FRMPD2: variants seen among roughly 807,000 people sequenced by gnomAD.
FRMPD2 encodes FERM and PDZ domain containing 2, also known as FERM and PDZ domain-containing protein 2.
A neutral mutation model predicts 140.1 loss-of-function variants in FRMPD2; 96 were observed. The ratio of observed to expected loss-of-function variants is 0.69; its 90% CI spans 0.58 to 0.81. The LOEUF is 0.81. Ranked by LOEUF, FRMPD2 falls within the 40% of genes least tolerant of loss-of-function variation. The probability of loss-of-function intolerance (pLI) is 0.00; values close to 1 mark genes in which losing one functional copy is unlikely to be tolerated. For synonymous variants in FRMPD2, 449 were observed against 547.6 expected (o/e 0.82, Z 2.52); for missense variants, 1,240 against 1,447.4 (o/e 0.86, Z 2.32).
At chr10:48,265,823 C>G (rs1289156223) in intron 1 of FRMPD2, among the ~76,000 whole-genome samples, 1 of 151,984 alleles carries the variant, frequency 6.6e-6, no homozygotes, top group Admixed American at 6.5e-5. Flanking sequence ...CTCAAAGAGC[C>G]AAAACCAAAA....
At chr10:48,235,383 ACGTGCACTGACC>A (rs756593069) in intron 9 of FRMPD2, among the ~76,000 whole-genome samples, 1 of 152,240 alleles carries the variant, frequency 6.6e-6, no homozygotes, top group Non-Finnish European at 1.5e-5. Context: ...CAGGCATCCC[ACGTGCACTGACC>A]AGTTTGCTTC....
At position 48,251,592 on chromosome 10, in the gene FRMPD2, T is replaced by C; in HGVS notation, c.125A>G (p.Glu42Gly). The change falls in exon 2 of 29, where the codon GAG becomes GGG. Residue 42 changes from glutamate (E) to glycine (G), a missense_variant. By Grantham distance (98) the Glu-to-Gly change is moderately conservative. Transcript: ENST00000374201. ...GTTGCGGAGGTCTTCCAGGAGCTGC[T>C]CAGCGGCCAGGAACAGGAGGGACCA... is the stretch of plus-strand genomic sequence containing the variant. ...EIWSLLFLAA[E>G]QLLEDLRNDS... 1 of 1,614,180 alleles carries C rather than the reference T, an allele frequency of 6.2e-7. No individual in the cohort carries two copies. Among genetic ancestry groups the C allele is most frequent in the Admixed American group, 1.7e-5 (1 of 60,026 alleles).
chr10:48,261,551 G>A (rs1840591005), intron 1 of FRMPD2, among the ~76,000 whole-genome samples: 2 of 152,100 alleles, frequency 1.3e-5, no homozygotes, highest in Admixed American at 1.3e-4. Context: ...TCTGTATACT[G>A]CAAAGTTAAC....
intron 10 of FRMPD2, among the ~76,000 whole-genome samples, chr10:48,223,837 G>A (rs564564091): frequency 1.1e-3 from 174 of 152,298 alleles, no homozygotes; most frequent in Middle Eastern, 3.4e-3. Context: ...ATAACAGGAG[G>A]AAGACACCAG....
chr10:48,186,400 G>T (rs1341100405), intron 17 of FRMPD2, among the ~76,000 whole-genome samples: 1 of 152,176 alleles, frequency 6.6e-6, no homozygotes, highest in Non-Finnish European at 1.5e-5. Flanking sequence ...AACTTGAATT[G>T]TATCTCCCAG....
intron 15 of FRMPD2, among the ~76,000 whole-genome samples, chr10:48,200,064 G>A (rs1394267031): frequency 1.3e-5 from 2 of 151,746 alleles, no homozygotes; most frequent in African/African-American, 4.8e-5. Context: ...GCTGTATTAA[G>A]CCATTGAAAT....
At chr10:48,237,008 T>G (rs1288010455) in intron 8 of FRMPD2, among the ~76,000 whole-genome samples, 1 of 152,126 alleles carries the variant, frequency 6.6e-6, no homozygotes, top group Non-Finnish European at 1.5e-5. Context: ...TGTGTTTGTA[T>G]TACACTTGAC....
At chr10:48,228,244 G>A (rs1054980132) in intron 10 of FRMPD2, among the ~76,000 whole-genome samples, 21 of 151,916 alleles carry the variant, frequency 1.4e-4, no homozygotes, top group Non-Finnish European at 2.7e-4. Flanking sequence ...TTAAAACCAA[G>A]TGAATTAATA....
Position 48,192,793 on chromosome 10 carries a change from A to C in FRMPD2, c.2056T>G (p.Leu686Val), listed in dbSNP as rs1486611826. 2 of 1,613,734 alleles carry C rather than the reference A, an allele frequency of 1.2e-6. No homozygotes were observed. Among genetic ancestry groups the C allele is most frequent in the Admixed American group, 1.7e-5 (1 of 59,974 alleles). The change falls in exon 16 of 29, where the codon TTG becomes GTG. Residue 686 changes from leucine (L) to valine (V), a missense_variant. Coordinates refer to ENST00000374201, the MANE Select transcript of FRMPD2 (RefSeq NM_001018071.4). The part of the protein sequence containing the change: ...IQRLSCSENE[L>V]FVSRLQGAAG... ...GCACCCTGAAGCCTGGATACAAACA[A>C]CTCGTTTTCTGAGCATGACAATCTC... is the stretch of plus-strand genomic sequence containing the variant.
At position 48,206,824 on chromosome 10, in the gene FRMPD2, A is replaced by G. The variant is rs776470935; in HGVS notation, c.1721T>C (p.Val574Ala). The change falls in exon 14 of 29, where the codon GTC becomes GCC. Residue 574 changes from valine to alanine, a missense_variant. Val to Ala is a moderately conservative substitution (Grantham distance 64). This residue lies in a region of FRMPD2 where 1,161 missense variants were observed against 1,055.9 expected (regional missense o/e 1.10). Transcript: ENST00000374201. ...ALGICAKGVI[V>A]YEVKNNSRIA... The stretch of plus-strand genomic sequence containing the variant: ...TCTGCTGTTGTTTTTCACTTCATAG[A>G]CTATGACACCCTTGGCACAGATCCC... 3 of 1,614,112 alleles carry G rather than the reference A, an allele frequency of 1.9e-6. No homozygotes were observed. The East Asian group carries it at 6.7e-5, about 36-fold the overall frequency.
intron 13 of FRMPD2, 83 bp downstream of exon 13, chr10:48,211,871 G>A: frequency 7.3e-7 from 1 of 1,370,526 alleles, no homozygotes; most frequent in East Asian, 2.3e-5. Context: ...ACACACCTGG[G>A]CCCCTTGAGA....
At chr10:48,218,929 C>T (rs1839515783) in intron 12 of FRMPD2, among the ~76,000 whole-genome samples, 1 of 152,192 alleles carries the variant, frequency 6.6e-6, no homozygotes, top group Non-Finnish European at 1.5e-5. Context: ...TTATTCAAGC[C>T]AGCCTGAGCT....
intron 1 of FRMPD2, among the ~76,000 whole-genome samples, chr10:48,257,551 A>G (rs983503482): frequency 6.6e-6 from 1 of 152,124 alleles, no homozygotes; most frequent in Non-Finnish European, 1.5e-5. Context: ...AAGTGCTGGG[A>G]TTGCAGGTGT....
chr10:48,180,510 T>C (rs1838519012), intron 21 of FRMPD2, among the ~76,000 whole-genome samples: 1 of 152,040 alleles, frequency 6.6e-6, no homozygotes, highest in South Asian at 2.1e-4. Context: ...ATGGTGCTAT[T>C]ATCACAACAA....
intron 14 of FRMPD2, among the ~76,000 whole-genome samples, chr10:48,204,470 A>G (rs1433149837): frequency 6.6e-6 from 1 of 152,232 alleles, no homozygotes. Flanking sequence ...ACCATGCTAG[A>G]AGAAAAACTA....
rs769171306 is a variant in FRMPD2, at chr10:48,251,660, G to T, written c.57C>A (p.Ser19Arg). The change falls in exon 2 of 29, where the codon AGC becomes AGA. Residue 19 changes from serine (S) to arginine (R), a missense_variant. By Grantham distance (110) the Ser-to-Arg change is moderately radical. Transcript: ENST00000374201. Reference protein sequence around the residue: ...GMSLSSVTLASALQVRGEALS... With the variant: ...GMSLSSVTLARALQVRGEALS... ...GAGCTTCACCCCTGACCTGTAGGGC[G>T]CTGGCCAGCGTCACAGAGGACAGGC... The T allele has an allele frequency of 4.2e-5, 68 of 1,614,076 alleles. No individual in the cohort carries two copies. Among genetic ancestry groups the T allele is most frequent in the Non-Finnish European group, 5.5e-5 (65 of 1,180,016 alleles).
At chr10:48,270,679 G>A (rs1030813596) in intron 1 of FRMPD2, among the ~76,000 whole-genome samples, 1 of 151,858 alleles carries the variant, frequency 6.6e-6, no homozygotes, top group Non-Finnish European at 1.5e-5. Context: ...CTTAGATGTA[G>A]AGAGCTGAAT....
At chr10:48,269,921 G>C (rs1166711785) in intron 1 of FRMPD2, among the ~76,000 whole-genome samples, 1 of 152,096 alleles carries the variant, frequency 6.6e-6, no homozygotes, top group African/African-American at 2.4e-5. Flanking sequence ...TCTTCTCCTG[G>C]GCTTTATTTA....
rs926573954 is a variant in FRMPD2, at chr10:48,242,045, G to A, written c.567+116C>T. On this transcript the variant is annotated intron_variant, in intron 5 of 28. Coordinates refer to ENST00000374201, the MANE Select transcript of FRMPD2 (RefSeq NM_001018071.4). ...GGAGCACTTGAAATGTGACAGATGT[G>A]ACTGATTAATTTAATTTTTTATTTT... is the stretch of plus-strand genomic sequence containing the variant. The A allele has an allele frequency of 1.2e-5, 9 of 733,834 alleles. No individual in the cohort carries two copies. The Admixed American group carries it at 2.7e-4, about 22-fold the overall frequency. 45.5% of individuals were successfully genotyped at this position (733,834 alleles called of 1,614,324 possible). A position where few individuals can be genotyped will look rare whatever the true frequency, so the allele number is the denominator to read the frequency against.
Sources: allele counts gnomAD v4.1 joint callset (sites outside exome capture counted in the v4.1 genomes callset), GRCh38; gene constraint gnomAD v4.1.1; regional missense constraint gnomAD v4.1.1; transcripts MANE v1.5; gene names NCBI Gene and HGNC (gene_info 2026-07-23, HGNC 2026-07-21).